Variants in NEXMIF observed in about 807,000 individuals in gnomAD.
The protein encoded by NEXMIF is neurite extension and migration factor, also known as XLMR protein related to neurite extension.
A neutral mutation model predicts 62.1 loss-of-function variants in NEXMIF; 8 were observed. The ratio of observed to expected loss-of-function variants is 0.13; its 90% CI spans 0.08 to 0.23. The LOEUF (loss-of-function observed/expected upper bound fraction) is 0.23, where lower values mean the gene tolerates loss of function less well. Among genes scored for constraint, NEXMIF ranks in the 10% least tolerant of loss-of-function variants. The pLI is 1.00. For missense variants in NEXMIF, 976 were observed against 1,113.3 expected (o/e 0.88, Z 1.75); for synonymous variants, 404 against 416.6 (o/e 0.97, Z 0.37).
At chrX:74,808,166 G>C (rs1231666792) in intron 1 of NEXMIF, among the ~76,000 whole-genome samples, 1 of 111,241 alleles carries the variant, frequency 9.0e-6, no homozygotes, top group African/African-American at 3.3e-5. Context: ...CACCTTGGGA[G>C]GCCAAGGTGG....
At chrX:74,762,673 G>A (rs1341138802) in intron 1 of NEXMIF, among the ~76,000 whole-genome samples, 2 of 111,815 alleles carry the variant, frequency 1.8e-5, no homozygotes, top group Non-Finnish European at 3.8e-5. Flanking sequence ...GTGTGAGATG[G>A]TATCTCATTG....
At chrX:74,747,146 T>G (rs1206954568) in intron 1 of NEXMIF, among the ~76,000 whole-genome samples, 2 of 112,089 alleles carry the variant, frequency 1.8e-5, no homozygotes, top group Admixed American at 1.9e-4. Flanking sequence ...TCAGTAGAAC[T>G]TCAGGTATCA....
intron 1 of NEXMIF, among the ~76,000 whole-genome samples, chrX:74,808,110 A>C (rs890917000): frequency 9.0e-6 from 1 of 111,448 alleles, no homozygotes; most frequent in Non-Finnish European, 1.9e-5. Context: ...ACCTAGAATA[A>C]ATTCTACTTG....
At chrX:74,765,083 C>G (rs754560222) in intron 1 of NEXMIF, among the ~76,000 whole-genome samples, 12 of 111,892 alleles carry the variant, frequency 1.1e-4, no homozygotes, top group Non-Finnish European at 1.9e-4. Context: ...TCTCTAAGAA[C>G]TTGCTTTATG....
At chrX:74,812,125 AG>A (rs1182431508) in intron 1 of NEXMIF, among the ~76,000 whole-genome samples, 2 of 113,031 alleles carry the variant, frequency 1.8e-5, no homozygotes, top group Admixed American at 9.3e-5. Flanking sequence ...GAGAATAATT[AG>A]GAAATAGAGT....
intron 1 of NEXMIF, among the ~76,000 whole-genome samples, chrX:74,839,413 T>A (rs1451071384): frequency 1.4e-4 from 16 of 112,103 alleles, no homozygotes; most frequent in Non-Finnish European, 3.8e-5. Context: ...AAATTGGGAT[T>A]TTTAAAAACT....
intron 1 of NEXMIF, among the ~76,000 whole-genome samples, chrX:74,788,866 A>G (rs539778858): frequency 3.2e-4 from 36 of 111,549 alleles, no homozygotes; most frequent in Middle Eastern, 4.6e-3. Context: ...TCCAGCTCAG[A>G]GTGCCAGCAA....
At chrX:74,871,115 C>A (rs768367114) in intron 1 of NEXMIF, among the ~76,000 whole-genome samples, 140 of 111,930 alleles carry the variant, frequency 1.3e-3, no homozygotes, top group Non-Finnish European at 2.2e-3. Flanking sequence ...ATCGGGGGAA[C>A]CAGCCCCCAA....
intron 1 of NEXMIF, among the ~76,000 whole-genome samples, chrX:74,774,998 C>T (rs187050886): frequency 9.0e-6 from 1 of 111,665 alleles, no homozygotes; most frequent in East Asian, 2.8e-4. Context: ...TATTAGGCCA[C>T]CTATGGACTA....
At chrX:74,764,786 G>A (rs2080189662) in intron 1 of NEXMIF, among the ~76,000 whole-genome samples, 1 of 111,638 alleles carries the variant, frequency 9.0e-6, no homozygotes, top group Non-Finnish European at 1.9e-5. Flanking sequence ...TGGTTTGAGA[G>A]TGTGTTTGAT....
chrX:74,882,866 C>A (rs1444015196), intron 1 of NEXMIF, among the ~76,000 whole-genome samples: 1 of 112,185 alleles, frequency 8.9e-6, no homozygotes, highest in East Asian at 2.8e-4. Flanking sequence ...GGTCCCTGAC[C>A]CCTGAGTAGC....
intron 1 of NEXMIF, among the ~76,000 whole-genome samples, chrX:74,796,209 T>TTATATATATATACATATATTA (rs2080309064): frequency 8.6e-5 from 4 of 46,615 alleles, no homozygotes; most frequent in Non-Finnish European, 1.6e-4. Context: ...TACATATATA[T>TTATATATATATACATATATTA]TATATATATA....
chrX:74,888,796 T>C (rs972826603), intron 1 of NEXMIF, among the ~76,000 whole-genome samples: 1 of 112,128 alleles, frequency 8.9e-6, no homozygotes, highest in African/African-American at 3.2e-5. Flanking sequence ...AGACATACAC[T>C]TTTACTCACC....
At chrX:74,824,834 C>G (rs1418097157) in intron 1 of NEXMIF, among the ~76,000 whole-genome samples, 42 of 110,103 alleles carry the variant, frequency 3.8e-4, no homozygotes, top group African/African-American at 1.4e-3. Context: ...ATTTTTAGTA[C>G]AGACAGAGTT....
chrX:74,895,446 A>T (rs1383222357), intron 1 of NEXMIF, among the ~76,000 whole-genome samples: 2 of 112,148 alleles, frequency 1.8e-5, no homozygotes, highest in African/African-American at 6.5e-5. Context: ...ATTCACAGAA[A>T]TAGAAAAAAA....
intron 1 of NEXMIF, among the ~76,000 whole-genome samples, chrX:74,876,788 G>C (rs1238691658): frequency 9.7e-6 from 1 of 102,582 alleles, no homozygotes; most frequent in Non-Finnish European, 2.0e-5. Flanking sequence ...TTTAAAGTCT[G>C]TTTTATCAGA....
chrX:74,923,528 A>C (rs1335043090), intron 1 of NEXMIF, among the ~76,000 whole-genome samples: 1 of 111,987 alleles, frequency 8.9e-6, no homozygotes, highest in Non-Finnish European at 1.9e-5. Flanking sequence ...AATTCTCCTC[A>C]GCCATAAGAA....
intron 1 of NEXMIF, among the ~76,000 whole-genome samples, chrX:74,876,991 A>G (rs910178141): frequency 3.6e-5 from 4 of 111,510 alleles, no homozygotes; most frequent in Admixed American, 1.9e-4. Flanking sequence ...GTCCATTTAC[A>G]TTTAAAGTTA....
Position 74,742,070 on chromosome X carries a change from A to G in NEXMIF, c.2487T>C (p.Ser829=). ...LDASDLSNNT[S]ISYFSHHSPE... ...GAGAATGGTGGCTGAAGTATGAGATACTAGTGTTATTTGACAAGTCAGAAG... is the reference window on the plus strand; with the variant it reads ...GAGAATGGTGGCTGAAGTATGAGATGCTAGTGTTATTTGACAAGTCAGAAG... The change falls in exon 3 of 4, where the codon AGT becomes AGC. Residue 829 remains serine, a synonymous_variant. Transcript: ENST00000055682. The G allele has an allele frequency of 2.5e-6, 3 of 1,211,577 alleles. No individual in the cohort carries two copies. The highest frequency in any genetic ancestry group is 3.4e-6 in the Non-Finnish European group (3 of 895,312).
Sources: allele counts gnomAD v4.1 joint callset (sites outside exome capture counted in the v4.1 genomes callset), GRCh38; gene constraint gnomAD v4.1.1; transcripts MANE v1.5; gene names NCBI Gene and HGNC (gene_info 2026-07-23, HGNC 2026-07-21).